PHLDB2: variants seen among roughly 807,000 people sequenced by gnomAD.
PHLDB2 encodes the protein pleckstrin homology like domain family B member 2.
PHLDB2 carries 71 observed loss-of-function variants against 123.6 expected under a neutral mutation model. The observed-to-expected ratio is 0.57, with a 90% CI of 0.47 to 0.70. The LOEUF is 0.70. Among genes scored for constraint, PHLDB2 ranks in the 30% least tolerant of loss-of-function variants. PHLDB2 has a pLI of 0.00. For synonymous variants in PHLDB2, 547 were observed against 541.6 expected (o/e 1.01, Z -0.14); for missense variants, 1,446 against 1,519.5 (o/e 0.95, Z 0.80).
At chr3:111,834,234 T>A in intron 1 of PHLDB2, among the ~76,000 whole-genome samples, 1 of 99,634 alleles carries the variant, frequency 1.0e-5, no homozygotes, top group Non-Finnish European at 1.8e-5. Context: ...ATATATTATG[T>A]ATATAATAGA....
chr3:111,867,349 G>T (rs564757039), intron 1 of PHLDB2, among the ~76,000 whole-genome samples: 3 of 151,994 alleles, frequency 2.0e-5, no homozygotes, highest in Non-Finnish European at 4.4e-5. Context: ...CAGAATGCAC[G>T]TAGCTTTTTT....
At chr3:111,908,028 A>G (rs1577058412) in intron 2 of PHLDB2, among the ~76,000 whole-genome samples, 2 of 152,144 alleles carry the variant, frequency 1.3e-5, no homozygotes, top group South Asian at 4.1e-4. Context: ...TCACATAAGC[A>G]TTACTGATTG....
chr3:111,829,559 G>A (rs1436463408), intron 1 of PHLDB2, among the ~76,000 whole-genome samples: 1 of 148,344 alleles, frequency 6.7e-6, no homozygotes, highest in African/African-American at 2.5e-5. Flanking sequence ...TGCCTCCTGG[G>A]TTCAAGCGAT....
intron 1 of PHLDB2, among the ~76,000 whole-genome samples, chr3:111,777,857 A>C (rs1483220260): frequency 6.6e-6 from 1 of 152,104 alleles, no homozygotes; most frequent in East Asian, 1.9e-4. Flanking sequence ...TTAGATGTAA[A>C]ACACCTGTTT....
chr3:111,817,890 T>C (rs1184832277), intron 1 of PHLDB2, among the ~76,000 whole-genome samples: 2 of 152,216 alleles, frequency 1.3e-5, no homozygotes, highest in African/African-American at 4.8e-5. Context: ...GAAGATAGGC[T>C]GGTAATATTA....
chr3:111,930,488 T>C (rs1388058862), intron 5 of PHLDB2, among the ~76,000 whole-genome samples: 3 of 152,154 alleles, frequency 2.0e-5, no homozygotes, highest in East Asian at 1.9e-4. Context: ...TACCTAGAAA[T>C]AGAACTCTTG....
At chr3:111,966,515 G>A (rs2071770059) in intron 13 of PHLDB2, 98 bp from the exon 14 acceptor site, 4 of 579,466 alleles carry the variant, frequency 6.9e-6, no homozygotes, top group Non-Finnish European at 1.1e-5. Context: ...GTGTGTGTGT[G>A]TGTGTGTCTG....
intron 1 of PHLDB2, among the ~76,000 whole-genome samples, chr3:111,876,232 A>G (rs1337573793): frequency 6.6e-6 from 1 of 152,182 alleles, no homozygotes; most frequent in South Asian, 2.1e-4. Flanking sequence ...AGGGGGTGCT[A>G]GTGACAGAGG....
chr3:111,798,073 G>T (rs1336209515), intron 1 of PHLDB2, among the ~76,000 whole-genome samples: 1 of 152,174 alleles, frequency 6.6e-6, no homozygotes, highest in East Asian at 1.9e-4. Flanking sequence ...GGTTGAGGCT[G>T]CAGTGAGCCA....
rs1004034347 is a variant in PHLDB2 at position 111,898,532 on chromosome 3, C to A, written c.1335+13120C>A. On this transcript the variant is annotated intron_variant, in intron 2 of 17. Coordinates refer to ENST00000431670, the MANE Select transcript of PHLDB2 (RefSeq NM_001134438.2). Reference sequence around the variant, plus strand: ...AATGAAGTTTGTCACATTGATTCAACTCTTCCTTTCACAAAAGATTCCTCT... The same window carrying A: ...AATGAAGTTTGTCACATTGATTCAAATCTTCCTTTCACAAAAGATTCCTCT... Among the ~76,000 whole-genome samples, 6 of 152,150 alleles carry A rather than the reference C, an allele frequency of 3.9e-5. No individual in the cohort carries two copies. The South Asian group carries it at 1.2e-3, about 31-fold the overall frequency.
At chr3:111,851,446 A>G (rs1056238671) in intron 2 of PHLDB2, among the ~76,000 whole-genome samples, 2 of 152,104 alleles carry the variant, frequency 1.3e-5, no homozygotes, top group African/African-American at 4.8e-5. Context: ...CAGAGTAATC[A>G]TAACTCTGAA....
chr3:111,750,320 G>C (rs1272139837), intron 1 of PHLDB2, among the ~76,000 whole-genome samples: 2 of 152,176 alleles, frequency 1.3e-5, no homozygotes, highest in African/African-American at 4.8e-5. Flanking sequence ...CCCTTCTCTT[G>C]AGAAGCCTAC....
At chr3:111,956,255 G>A (rs1306995026) in intron 12 of PHLDB2, among the ~76,000 whole-genome samples, 1 of 152,138 alleles carries the variant, frequency 6.6e-6, no homozygotes, top group Non-Finnish European at 1.5e-5. Flanking sequence ...GAACTTTATA[G>A]TAAATAAATA....
At position 111,975,745 on chromosome 3, in the gene PHLDB2, G is replaced by C. The variant is rs1291906237; in HGVS notation, c.*1182G>C. ...GGTTTTTCAAGTGCCATTTATTCTAGTTTATCATGTTTTGCATGTTTGAAA... is the reference window on the plus strand; with the variant it reads ...GGTTTTTCAAGTGCCATTTATTCTACTTTATCATGTTTTGCATGTTTGAAA... On this transcript the variant is annotated 3_prime_UTR_variant, in exon 18 of 18. Transcript: ENST00000431670. 1 of 152,456 alleles carries C rather than the reference G, an allele frequency of 6.6e-6. No homozygotes were observed. Among genetic ancestry groups the C allele is most frequent in the Non-Finnish European group, 1.5e-5 (1 of 67,992 alleles). The allele number at this position is 152,456 out of a possible 1,614,324, so 9.4% of individuals were successfully genotyped here.
upstream of PHLDB2, among the ~76,000 whole-genome samples, chr3:111,857,779 G>A (rs1175952550): frequency 2.0e-5 from 3 of 152,202 alleles, no homozygotes; most frequent in Non-Finnish European, 4.4e-5. Flanking sequence ...AGTTAGAATG[G>A]CAATCATTAA....
At chr3:111,967,986 A>AAAAAAAT in intron 15 of PHLDB2, among the ~76,000 whole-genome samples, 162 bp downstream of exon 15, 1 of 151,516 alleles carries the variant, frequency 6.6e-6, no homozygotes, top group Non-Finnish European at 1.5e-5. Flanking sequence ...AAAAAAAAAA[A>AAAAAAAT]AAAAAAAAAA....
chr3:111,834,237 A>AGAATTATATATATTATATG (rs1214316876), intron 1 of PHLDB2, among the ~76,000 whole-genome samples: 1 of 72,186 alleles, frequency 1.4e-5, no homozygotes, highest in African/African-American at 9.2e-5. Context: ...TATTATGTAT[A>AGAATTATATATATTATATG]TAATAGAATT....
intron 6 of PHLDB2, among the ~76,000 whole-genome samples, chr3:111,938,553 A>G (rs930313384): frequency 1.3e-5 from 2 of 152,172 alleles, no homozygotes; most frequent in African/African-American, 4.8e-5. Flanking sequence ...TTGTGTATAC[A>G]TTAGAAAACA....
In PHLDB2 at chr3:111,945,375, A is replaced by G. The variant is rs1309172931; in HGVS notation, c.2487+18A>G. 3 of 1,500,786 alleles carry G rather than the reference A, an allele frequency of 2.0e-6. No homozygotes were observed. Among genetic ancestry groups the G allele is most frequent in the South Asian group, 1.1e-5 (1 of 87,074 alleles). The allele number at this position is 1,500,786 out of a possible 1,614,324, so 93.0% of individuals were successfully genotyped here. ...TAAAAGAGGTAAGCTATGATTTTAC[A>G]TGTCGCTTTATGTTGCCTTAGAAAT... On this transcript the variant is annotated intron_variant, in intron 9 of 17. Transcript: ENST00000431670.
Sources: allele counts gnomAD v4.1 joint callset (sites outside exome capture counted in the v4.1 genomes callset), GRCh38; gene constraint gnomAD v4.1.1; transcripts MANE v1.5; gene names NCBI Gene and HGNC (gene_info 2026-07-23, HGNC 2026-07-21).